Variants in ANGPT1 observed in about 807,000 individuals in gnomAD.
ANGPT1 encodes angiopoietin 1.
A neutral mutation model predicts 62.2 loss-of-function variants in ANGPT1; 17 were observed. The observed-to-expected ratio is 0.27, with a 90% confidence interval of 0.19 to 0.41. The LOEUF (loss-of-function observed/expected upper bound fraction) is 0.41. Ranked by LOEUF, ANGPT1 falls within the 10% of genes least tolerant of loss-of-function variation. The pLI is 1.00. For missense variants in ANGPT1, 478 were observed against 594.9 expected (o/e 0.80, Z 2.04); for synonymous variants, 199 against 198.9 (o/e 1.00, Z 0.00).
intron 7 of ANGPT1, 71 bp downstream of exon 7, chr8:107,284,611 A>G (rs568970299): frequency 5.2e-5 from 66 of 1,263,880 alleles, no homozygotes; most frequent in Non-Finnish European, 6.5e-5. Flanking sequence ...TCTTTTTTTC[A>G]TATTTTCCCA....
intron 1 of ANGPT1, among the ~76,000 whole-genome samples, chr8:107,450,467 C>T (rs1451006958): frequency 6.6e-6 from 1 of 151,886 alleles, no homozygotes. Context: ...AAAGAGGGAC[C>T]TTTATAAATC....
At chr8:107,412,050 A>G (rs1163297770) in intron 1 of ANGPT1, among the ~76,000 whole-genome samples, 1 of 152,148 alleles carries the variant, frequency 6.6e-6, no homozygotes, top group African/African-American at 2.4e-5. Flanking sequence ...GCTTAGCTGC[A>G]TCATCTTGGC....
chr8:107,299,421 A>AC (rs1554580177), intron 5 of ANGPT1, among the ~76,000 whole-genome samples: 1,323 of 124,496 alleles, frequency 0.011, 18 homozygotes, highest in Non-Finnish European at 0.016. Context: ...ATATATATAT[A>AC]AACATACATA....
intron 7 of ANGPT1, among the ~76,000 whole-genome samples, chr8:107,278,730 C>T (rs1004983208): frequency 6.6e-6 from 1 of 152,204 alleles, no homozygotes; most frequent in Non-Finnish European, 1.5e-5. Context: ...AGCTTGTCTT[C>T]CTGATGCTGG....
intron 2 of ANGPT1, among the ~76,000 whole-genome samples, chr8:107,342,751 T>G (rs1457470105): frequency 6.7e-6 from 1 of 150,144 alleles, no homozygotes; most frequent in Non-Finnish European, 1.5e-5. Context: ...AGATTCATGC[T>G]CATTGAACAA....
At chr8:107,278,961 T>C (rs1163061645) in intron 7 of ANGPT1, among the ~76,000 whole-genome samples, 2 of 152,180 alleles carry the variant, frequency 1.3e-5, no homozygotes, top group African/African-American at 4.8e-5. Flanking sequence ...ATGGCTCTGC[T>C]CCCCTGACTG....
chr8:107,431,502 C>T (rs886279041), intron 1 of ANGPT1, among the ~76,000 whole-genome samples: 7 of 152,204 alleles, frequency 4.6e-5, no homozygotes, highest in African/African-American at 1.7e-4. Context: ...CTTCACATTA[C>T]ATGTCCTGCC....
At chr8:107,303,125 G>A (rs1586204357) in intron 5 of ANGPT1, 115 bp downstream of exon 5, 2 of 1,248,462 alleles carry the variant, frequency 1.6e-6, no homozygotes, top group East Asian at 2.4e-5. Flanking sequence ...GGAGAAAAAA[G>A]TTCAGGCATC....
At chr8:107,431,758 A>G (rs907822254) in intron 1 of ANGPT1, among the ~76,000 whole-genome samples, 16 of 151,554 alleles carry the variant, frequency 1.1e-4, no homozygotes, top group African/African-American at 3.6e-4. Context: ...TCATCAAAGT[A>G]TCATGCTAGG....
chr8:107,284,614 T>C, intron 7 of ANGPT1, 68 bp downstream of exon 7: 1 of 1,273,076 alleles, frequency 7.9e-7, no homozygotes, highest in Non-Finnish European at 1.0e-6. Flanking sequence ...TTTTTTCATA[T>C]TTTCCCACTA....
chr8:107,275,727 A>G (rs1424547664), intron 7 of ANGPT1, among the ~76,000 whole-genome samples: 1 of 152,174 alleles, frequency 6.6e-6, no homozygotes, highest in African/African-American at 2.4e-5. Context: ...TATTTCATGG[A>G]GCCATCATCT....
intron 1 of ANGPT1, among the ~76,000 whole-genome samples, chr8:107,367,276 G>A (rs1218087356): frequency 6.6e-6 from 1 of 152,110 alleles, no homozygotes; most frequent in Admixed American, 6.5e-5. Context: ...TATTAAGTGT[G>A]AAATAGCATT....
rs138395811 is a variant in ANGPT1, at chr8:107,321,903, T to C, written c.801A>G (p.Lys267=). Residue 267 remains lysine, a synonymous_variant, in exon 4 of 9, where the codon AAA becomes AAG. Coordinates refer to ENST00000517746, the MANE Select transcript of ANGPT1 (RefSeq NM_001146.5). The part of the protein sequence containing the change: ...TVHNLVNLCT[K]EGVLLKGGKR... The stretch of plus-strand genomic sequence containing the variant: ...TGAGGAAGACATTCTTACCACCTTC[T>C]TTAGTGCAAAGATTGACAAGGTTGT... 2.5e-6 allele frequency: 4 copies of C among 1,613,294 alleles called. No individual in the cohort carries two copies. The African/African-American group carries it at 5.3e-5, about 22-fold the overall frequency.
intron 1 of ANGPT1, among the ~76,000 whole-genome samples, chr8:107,364,321 C>A (rs951564238): frequency 1.3e-5 from 2 of 152,162 alleles, no homozygotes; most frequent in East Asian, 1.9e-4. Flanking sequence ...CACTCTGTCA[C>A]CCAGGCTGAA....
At chr8:107,487,979 A>G (rs187072226) in intron 1 of ANGPT1, among the ~76,000 whole-genome samples, 57 of 152,332 alleles carry the variant, frequency 3.7e-4, no homozygotes, top group African/African-American at 1.3e-3. Flanking sequence ...CAATCATCAA[A>G]TACTACATTC....
chr8:107,405,817 A>AT (rs942223453), intron 1 of ANGPT1, among the ~76,000 whole-genome samples: 3 of 151,896 alleles, frequency 2.0e-5, no homozygotes, highest in African/African-American at 7.2e-5. Context: ...AATTATTTAA[A>AT]TTTTTTATTT....
At chr8:107,470,523 A>AG (rs1812325264) in intron 1 of ANGPT1, among the ~76,000 whole-genome samples, 1 of 152,030 alleles carries the variant, frequency 6.6e-6, no homozygotes, top group South Asian at 2.1e-4. Flanking sequence ...TGTAGATTCT[A>AG]GATATTAGCC....
At chr8:107,423,765 A>G (rs1810958073) in intron 1 of ANGPT1, among the ~76,000 whole-genome samples, 1 of 150,238 alleles carries the variant, frequency 6.7e-6, no homozygotes. Context: ...CCTTAGTTCT[A>G]ATCTAGTTGT....
intron 7 of ANGPT1, among the ~76,000 whole-genome samples, chr8:107,271,377 A>AACTTCCTT (rs1403968507): frequency 6.6e-6 from 1 of 152,112 alleles, no homozygotes; most frequent in East Asian, 1.9e-4. Context: ...AAAGTAATCA[A>AACTTCCTT]ACTTCCTTAA....
Sources: allele counts gnomAD v4.1 joint callset (sites outside exome capture counted in the v4.1 genomes callset), GRCh38; gene constraint gnomAD v4.1.1; transcripts MANE v1.5; gene names NCBI Gene and HGNC (gene_info 2026-07-23, HGNC 2026-07-21).